The following MAGI1 variants were observed in gnomAD, a reference collection of about 807,000 sequenced individuals.
MAGI1 encodes membrane-associated guanylate kinase, WW and PDZ domain-containing protein 1.
Under a neutral mutation model 139.9 loss-of-function variants are expected in MAGI1, and 58 were observed. The observed-to-expected ratio is 0.41, with a 90% CI of 0.34 to 0.52. MAGI1 has a LOEUF of 0.52. MAGI1 is among the 20% of genes least tolerant of loss of function. The probability of loss-of-function intolerance (pLI) is 0.12; values close to 1 mark genes in which losing one functional copy is unlikely to be tolerated. For synonymous variants in MAGI1, 812 were observed against 737.9 expected (o/e 1.10, Z -1.63); for missense variants, 1,874 against 1,901.6 (o/e 0.99, Z 0.27).
intron 1 of MAGI1, among the ~76,000 whole-genome samples, chr3:65,714,100 T>C (rs986596445): frequency 3.9e-5 from 6 of 152,176 alleles, no homozygotes; most frequent in Admixed American, 3.9e-4. Flanking sequence ...GCCACCGCAC[T>C]GGGTTGACGT....
intron 1 of MAGI1, among the ~76,000 whole-genome samples, chr3:65,668,153 C>T (rs566981834): frequency 6.6e-6 from 1 of 152,258 alleles, no homozygotes; most frequent in African/African-American, 2.4e-5. Context: ...ACTCTTTGTG[C>T]CTCAGTTTTT....
chr3:65,397,602 A>T (rs1944494640), intron 13 of MAGI1, among the ~76,000 whole-genome samples: 1 of 151,934 alleles, frequency 6.6e-6, no homozygotes, highest in Admixed American at 6.6e-5. Context: ...TTCATCTGAC[A>T]ATAATAGCTA....
In MAGI1 at chr3:65,536,277, T is replaced by C. The variant is rs553839668; in HGVS notation, c.431-42646A>G. 5.3e-5 allele frequency among the ~76,000 whole-genome samples: 8 copies of C among 152,324 alleles called. No homozygotes were observed. The South Asian group carries it at 1.0e-3, about 20-fold the overall frequency. ...CACCTTTGTATAATAACTCCTAGCA[T>C]ACTATAGATTCCTAGCTTCTAGAAC... On this transcript the variant is annotated intron_variant, in intron 2 of 22. Coordinates refer to ENST00000402939, the MANE Select transcript of MAGI1 (RefSeq NM_001033057.2).
intron 1 of MAGI1, among the ~76,000 whole-genome samples, chr3:65,858,533 C>T (rs2059442292): frequency 6.6e-6 from 1 of 152,138 alleles, no homozygotes; most frequent in Non-Finnish European, 1.5e-5. Context: ...TAAAGAATAA[C>T]TAAATAATTG....
chr3:65,377,068 G>C (rs1434860094), intron 17 of MAGI1, among the ~76,000 whole-genome samples: 1 of 152,128 alleles, frequency 6.6e-6, no homozygotes, highest in Non-Finnish European at 1.5e-5. Context: ...TTTTGGAAAG[G>C]GTGACAAATA....
chr3:65,599,091 G>C (rs1003053506), intron 2 of MAGI1, among the ~76,000 whole-genome samples: 3 of 152,100 alleles, frequency 2.0e-5, no homozygotes, highest in Non-Finnish European at 4.4e-5. Context: ...GGAGATAAAG[G>C]GGCTGCAAGA....
At chr3:65,655,470 C>T (rs2085822805) in intron 1 of MAGI1, among the ~76,000 whole-genome samples, 2 of 152,164 alleles carry the variant, frequency 1.3e-5, no homozygotes. Flanking sequence ...TCTTCTGTTC[C>T]TCCTTCCACT....
At chr3:65,496,405 G>C (rs1952455751) in intron 2 of MAGI1, among the ~76,000 whole-genome samples, 3 of 152,108 alleles carry the variant, frequency 2.0e-5, no homozygotes, top group Non-Finnish European at 2.9e-5. Flanking sequence ...TAGGGCAGGA[G>C]GTGGGCAAGA....
chr3:65,737,366 C>T (rs2034856144), intron 1 of MAGI1, among the ~76,000 whole-genome samples: 1 of 152,138 alleles, frequency 6.6e-6, no homozygotes, highest in African/African-American at 2.4e-5. Context: ...GATGGATGGA[C>T]AGATGGATGG....
chr3:65,931,655 C>A (rs917414422), intron 1 of MAGI1, among the ~76,000 whole-genome samples: 1 of 152,168 alleles, frequency 6.6e-6, no homozygotes, highest in African/African-American at 2.4e-5. Flanking sequence ...CAGAGAAAGA[C>A]CTTGTCTCAA....
chr3:66,011,443 A>AC, intron 1 of MAGI1, among the ~76,000 whole-genome samples: 1 of 151,744 alleles, frequency 6.6e-6, no homozygotes, highest in Admixed American at 6.6e-5. Context: ...ACAAACATAC[A>AC]CCCCTATGTC....
chr3:65,983,433 A>G (rs9815425), intron 1 of MAGI1, among the ~76,000 whole-genome samples: 2,081 of 152,276 alleles, frequency 0.014, 50 homozygotes, highest in African/African-American at 0.047. Flanking sequence ...ACTGGTGAGC[A>G]TTTCAACTCT....
intron 1 of MAGI1, among the ~76,000 whole-genome samples, chr3:65,768,882 T>C (rs1183898993): frequency 6.6e-6 from 1 of 152,204 alleles, no homozygotes; most frequent in Non-Finnish European, 1.5e-5. Context: ...CAGAGAATAA[T>C]ATTTTCCCCT....
At position 65,569,551 on chromosome 3, in the gene MAGI1, C is replaced by T. The variant is rs933412331; in HGVS notation, c.430+52421G>A. Among the ~76,000 whole-genome samples, 4 of 107,880 alleles carry T rather than the reference C, an allele frequency of 3.7e-5. No homozygotes were observed. The South Asian group carries it at 9.0e-4, about 24-fold the overall frequency. The allele number at this position is 107,880 out of a possible 152,430, so 70.8% of individuals were successfully genotyped here. ...TAGGTAAGTTTAAAGTATATAAATC[C>T]TTCCACAATTTTAAAGGATCCTTTA... On this transcript the variant is annotated intron_variant, in intron 2 of 22. Transcript: ENST00000402939.
At chr3:65,818,989 T>C (rs2041778917) in intron 1 of MAGI1, among the ~76,000 whole-genome samples, 1 of 152,148 alleles carries the variant, frequency 6.6e-6, no homozygotes, top group South Asian at 2.1e-4. Context: ...TCATGCTTTA[T>C]TAACAAGGCA....
intron 1 of MAGI1, among the ~76,000 whole-genome samples, chr3:65,741,192 T>A (rs1419943551): frequency 6.6e-5 from 10 of 151,888 alleles, no homozygotes; most frequent in African/African-American, 2.4e-4. Flanking sequence ...TTTTTTTTTT[T>A]TAAATGGAGT....
At chr3:65,516,975 G>A (rs987020282) in intron 2 of MAGI1, among the ~76,000 whole-genome samples, 39 of 151,304 alleles carry the variant, frequency 2.6e-4, no homozygotes, top group Non-Finnish European at 5.2e-4. Context: ...TGATCCGCCC[G>A]CCTCGGCCTC....
intron 1 of MAGI1, among the ~76,000 whole-genome samples, chr3:65,689,378 T>A (rs561526343): frequency 1.4e-4 from 22 of 152,098 alleles, no homozygotes; most frequent in Admixed American, 2.6e-4. Context: ...CACCAGCAGC[T>A]CAAATACACT....
chr3:65,356,953 A>G lies in MAGI1; in HGVS notation c.3814T>C (p.Tyr1272His), dbSNP rs192423645. The change falls in exon 23 of 23, where the codon TAT (tyrosine) becomes CAT (histidine). Residue 1272 changes from tyrosine to histidine, a missense_variant. Tyr to His is a moderately conservative substitution (Grantham distance 83). Transcript: ENST00000402939. The part of the protein sequence containing the change: ...HARDPKGSRE[Y>H]SRQPNEHHTW... Reference sequence around the variant, plus strand: ...TGGTGTTCATTGGGTTGTCTGCTATACTCTCTGCTGCCTTTCGGATCCCTT... The same window carrying G: ...TGGTGTTCATTGGGTTGTCTGCTATGCTCTCTGCTGCCTTTCGGATCCCTT... 2.5e-6 allele frequency: 4 copies of G among 1,613,518 alleles called. No individual in the cohort carries two copies. The South Asian group carries it at 3.3e-5, about 13-fold the overall frequency.
Sources: gnomAD v4.1 joint callset for allele counts (sites outside exome capture counted in the v4.1 genomes callset) on GRCh38, gnomAD v4.1.1 for gene constraint, MANE v1.5 for transcripts, NCBI Gene and HGNC (gene_info 2026-07-23, HGNC 2026-07-21) for gene names.